Variants in STARD13 observed in about 807,000 individuals in gnomAD.
STARD13 encodes StAR related lipid transfer domain containing 13.
Under a neutral mutation model 106.4 loss-of-function variants are expected in STARD13, and 62 were observed. The ratio of observed to expected loss-of-function variants is 0.58; its 90% confidence interval spans 0.48 to 0.72. The LOEUF is 0.72. Among genes scored for constraint, STARD13 ranks in the 30% least tolerant of loss-of-function variants. STARD13 has a pLI of 0.00. For synonymous variants in STARD13, 565 were observed against 553.0 expected (o/e 1.02, Z -0.31); for missense variants, 1,387 against 1,424.0 (o/e 0.97, Z 0.42).
At chr13:33,444,953 C>T in the STARD13 span, among the ~76,000 whole-genome samples, 4 of 152,126 alleles carry the variant, frequency 2.6e-5, no homozygotes, top group Non-Finnish European at 5.9e-5. Flanking sequence ...ATATAAAATG[C>T]AATTGCTTTT....
the STARD13 span, among the ~76,000 whole-genome samples, chr13:33,584,095 G>C: frequency 6.6e-6 from 1 of 152,020 alleles, no homozygotes; most frequent in Non-Finnish European, 1.5e-5. Flanking sequence ...AGTGCACAAG[G>C]GTTCAATTTC....
At position 33,248,674 on chromosome 13, in the gene STARD13, A is replaced by C. The variant is rs543610820; in HGVS notation, c.169+36796T>G. Among the ~76,000 whole-genome samples the C allele has an allele frequency of 4.6e-5, 7 of 151,810 alleles. No individual in the cohort carries two copies. In the East Asian group the frequency reaches 1.2e-3, roughly 25 times the overall value. Reference sequence around the variant, plus strand: ...CTTCTTTTGTTTTGGTATTCCTCCCATTCCTTTCCCCTTTTGCTTCCCATA... The same window carrying C: ...CTTCTTTTGTTTTGGTATTCCTCCCCTTCCTTTCCCCTTTTGCTTCCCATA... On this transcript the variant is annotated intron_variant, in intron 1 of 13. Coordinates refer to ENST00000336934, the MANE Select transcript of STARD13 (RefSeq NM_178006.4).
At chr13:33,492,959 A>G in the STARD13 span, among the ~76,000 whole-genome samples, 2 of 152,306 alleles carry the variant, frequency 1.3e-5, no homozygotes, top group East Asian at 3.9e-4. Context: ...TGCCAAAGTC[A>G]CTCAAATGCT....
the STARD13 span, among the ~76,000 whole-genome samples, chr13:33,485,551 A>G: frequency 6.6e-6 from 1 of 152,222 alleles, no homozygotes; most frequent in South Asian, 2.1e-4. Context: ...TTCTTGTGCT[A>G]CATGAAGATA....
chr13:33,341,097 C>T (rs981965338), intron 1 of STARD13, among the ~76,000 whole-genome samples: 2 of 152,128 alleles, frequency 1.3e-5, no homozygotes, highest in African/African-American at 2.4e-5. Flanking sequence ...ACTTTTAAAA[C>T]CACTTTTATT....
At chr13:33,506,579 G>A in the STARD13 span, among the ~76,000 whole-genome samples, 1 of 152,158 alleles carries the variant, frequency 6.6e-6, no homozygotes, top group Admixed American at 6.6e-5. Context: ...TGTCTCAGAA[G>A]TGGAAGATCT....
chr13:33,553,382 T>G, the STARD13 span, among the ~76,000 whole-genome samples: 1 of 151,950 alleles, frequency 6.6e-6, no homozygotes, highest in Non-Finnish European at 1.5e-5. Flanking sequence ...TAAGAAATAA[T>G]GCTTATAAAT....
intron 1 of STARD13, among the ~76,000 whole-genome samples, chr13:33,213,558 TAGAG>T (rs1466570218): frequency 1.3e-5 from 2 of 152,138 alleles, no homozygotes; most frequent in Non-Finnish European, 2.9e-5. Context: ...TCTCTCGAGG[TAGAG>T]AAAGTATGTG....
chr13:33,244,946 C>G (rs1329519499), intron 1 of STARD13, among the ~76,000 whole-genome samples: 1 of 152,214 alleles, frequency 6.6e-6, no homozygotes, highest in African/African-American at 2.4e-5. Flanking sequence ...TGACACATCC[C>G]TACATCCAAA....
chr13:33,652,989 T>C, the STARD13 span, among the ~76,000 whole-genome samples: 1 of 151,590 alleles, frequency 6.6e-6, no homozygotes. Flanking sequence ...ACTTTTAGAG[T>C]GGAAAAACTA....
chr13:33,663,729 A>G, the STARD13 span, among the ~76,000 whole-genome samples: 2 of 152,166 alleles, frequency 1.3e-5, no homozygotes, highest in Non-Finnish European at 2.9e-5. Flanking sequence ...AAAAATAGAC[A>G]CTGAGTGGTC....
At chr13:33,596,684 C>G in the STARD13 span, among the ~76,000 whole-genome samples, 1 of 152,184 alleles carries the variant, frequency 6.6e-6, no homozygotes, top group Non-Finnish European at 1.5e-5. Context: ...ACCAACCTCT[C>G]TTCATTCCCT....
At position 33,112,815 on chromosome 13, in the gene STARD13, C is replaced by A. The variant is rs767153833; in HGVS notation, c.2398G>T (p.Val800Leu). Residue 800 changes from valine (V) to leucine (L), a missense_variant, in exon 9 of 14, where the codon GTG (valine) becomes TTG (leucine). Val to Leu is a conservative substitution (Grantham distance 32, BLOSUM62 1). Coordinates refer to ENST00000336934, the MANE Select transcript of STARD13 (RefSeq NM_178006.4). ...LCFLNDVVNLVEENQMTPMNL... is the reference protein window; with the variant it reads ...LCFLNDVVNLLEENQMTPMNL... ...ATGGGCGTCATCTGATTCTCTTCCA[C>A]CAAGTTGACGACGTCGTTCAGGAAA... 3.7e-6 allele frequency: 6 copies of A among 1,613,976 alleles called. No individual in the cohort carries two copies. The South Asian group carries it at 6.6e-5, about 18-fold the overall frequency.
At chr13:33,594,643 C>A in the STARD13 span, among the ~76,000 whole-genome samples, 5 of 152,066 alleles carry the variant, frequency 3.3e-5, no homozygotes, top group African/African-American at 9.7e-5. Context: ...CTTCTCACAC[C>A]GAAACTCAAC....
At chr13:33,208,516 G>C (rs1231930081) in intron 1 of STARD13, among the ~76,000 whole-genome samples, 1 of 152,154 alleles carries the variant, frequency 6.6e-6, no homozygotes, top group Non-Finnish European at 1.5e-5. Context: ...CTTGGATGCT[G>C]GGAGAGGGTA....
intron 3 of STARD13, among the ~76,000 whole-genome samples, chr13:33,156,859 A>C (rs1418204856): frequency 6.6e-6 from 1 of 152,224 alleles, no homozygotes; most frequent in Non-Finnish European, 1.5e-5. Flanking sequence ...ATTTATTTAT[A>C]GACTCAAGAT....
At chr13:33,317,966 G>A (rs113530339) in intron 1 of STARD13, among the ~76,000 whole-genome samples, 53 of 152,222 alleles carry the variant, frequency 3.5e-4, no homozygotes, top group African/African-American at 1.3e-3. Context: ...CTTGCTCAAG[G>A]TCACGCAGTT....
the STARD13 span, among the ~76,000 whole-genome samples, chr13:33,410,754 C>CAGAACA: frequency 6.6e-6 from 1 of 152,198 alleles, no homozygotes; most frequent in Non-Finnish European, 1.5e-5. Context: ...CTGCGTTCAT[C>CAGAACA]TTTTTCTGGA....
the STARD13 span, among the ~76,000 whole-genome samples, chr13:33,595,219 C>T: frequency 1.3e-5 from 2 of 152,262 alleles, no homozygotes; most frequent in South Asian, 4.1e-4. Context: ...AAGAGAGAAG[C>T]TTACTTCATT....
Sources: gnomAD v4.1 joint callset for allele counts (sites outside exome capture counted in the v4.1 genomes callset) on GRCh38, gnomAD v4.1.1 for gene constraint, MANE v1.5 for transcripts, NCBI Gene and HGNC (gene_info 2026-07-23, HGNC 2026-07-21) for gene names.